The following NKIRAS1 variants were observed in gnomAD, a reference collection of about 807,000 sequenced individuals.
NKIRAS1 encodes the protein NFKB inhibitor interacting Ras like 1.
NKIRAS1 carries 16 observed loss-of-function variants against 19.8 expected under a neutral mutation model. That is an observed-to-expected ratio of 0.81 (90% CI 0.55 to 1.23). The LOEUF (loss-of-function observed/expected upper bound fraction) is 1.23, where lower values mean the gene tolerates loss of function less well. Among genes scored for constraint, NKIRAS1 ranks in the 50% most tolerant of loss-of-function variants. NKIRAS1 has a pLI of 0.00. For synonymous variants in NKIRAS1, 88 were observed against 79.0 expected (o/e 1.11, Z -0.61); for missense variants, 184 against 220.0 (o/e 0.84, Z 1.04).
At position 23,898,329 on chromosome 3, in the gene NKIRAS1, A is replaced by C. The variant is rs116614899; in HGVS notation, c.336+2479T>G. 7.5e-3 allele frequency among the ~76,000 whole-genome samples: 1,143 copies of C among 152,360 alleles called. 1 individual carries two copies. The highest frequency in any genetic ancestry group is 0.016 in the South Asian group (77 of 4,820). ...AAAAGAGTTTGGTACGTACCATGGA[A>C]TACTACTCACCAAGAAAAAGAAATG... On this transcript the variant is annotated intron_variant, in intron 4 of 4. Coordinates refer to ENST00000425478, the MANE Select transcript of NKIRAS1 (RefSeq NM_020345.4).
intron 3 of NKIRAS1, among the ~76,000 whole-genome samples, chr3:23,902,858 A>G (rs556697396): frequency 1.4e-3 from 209 of 152,346 alleles, no homozygotes; most frequent in Admixed American, 3.8e-3. Flanking sequence ...AGGGCAATTA[A>G]GTGACATGCC....
rs1559499859 is a variant in NKIRAS1, at chr3:23,893,081, G to GA, written c.*13dup. ...AATCACTATTCAACATACAATTGTG[G>GA]AAATTACTGATTTTTAGTTCTCAGA... On this transcript the variant is annotated 3_prime_UTR_variant, in exon 5 of 5. Coordinates refer to ENST00000425478, the MANE Select transcript of NKIRAS1 (RefSeq NM_020345.4). The GA allele has an allele frequency of 6.5e-6, 10 of 1,537,778 alleles. No homozygotes were observed. Among genetic ancestry groups the GA allele is most frequent in the Non-Finnish European group, 8.7e-6 (10 of 1,146,758 alleles).
intron 4 of NKIRAS1, among the ~76,000 whole-genome samples, chr3:23,899,789 T>C (rs535687849): frequency 1.1e-4 from 17 of 152,236 alleles, no homozygotes; most frequent in Non-Finnish European, 2.5e-4. Context: ...AAGTGGTATA[T>C]GGGTAGAATC....
intron 1 of NKIRAS1, among the ~76,000 whole-genome samples, chr3:23,939,473 T>C (rs1024922489): frequency 3.3e-5 from 5 of 152,216 alleles, no homozygotes; most frequent in African/African-American, 9.6e-5. Flanking sequence ...CCAGGAACGG[T>C]GGCTCATGAC....
At chr3:23,913,865 T>A (rs750667829) in intron 1 of NKIRAS1, among the ~76,000 whole-genome samples, 1 of 152,130 alleles carries the variant, frequency 6.6e-6, no homozygotes, top group Non-Finnish European at 1.5e-5. Context: ...AGTACATGGG[T>A]CACCTTTAGG....
intron 1 of NKIRAS1, chr3:23,945,668 G>C: frequency 1.0e-6 from 1 of 1,000,032 alleles, no homozygotes; most frequent in East Asian, 4.1e-5. Flanking sequence ...TTTGGGGGGC[G>C]GCGGCAGGGG....
intron 1 of NKIRAS1, chr3:23,946,049 G>T (rs969798533): frequency 2.2e-5 from 21 of 964,442 alleles, no homozygotes; most frequent in African/African-American, 3.5e-5. Context: ...GCGCGCGCTG[G>T]CTGGGAGCGC....
At chr3:23,894,579 C>T (rs1279880290) in intron 4 of NKIRAS1, among the ~76,000 whole-genome samples, 1 of 152,004 alleles carries the variant, frequency 6.6e-6, no homozygotes, top group Non-Finnish European at 1.5e-5. Context: ...GAAACTCGTT[C>T]ACTTTACCCC....
chr3:23,945,140 A>G (rs1415931448), intron 1 of NKIRAS1: 1 of 135,016 alleles, frequency 7.4e-6, no homozygotes, highest in Non-Finnish European at 1.6e-5. Context: ...AGAAGGGGGA[A>G]GCGCAGGAGA....
At chr3:23,919,139 G>A (rs1383001974), upstream of NKIRAS1, 5 of 1,199,102 alleles carry the variant, frequency 4.2e-6, no homozygotes, top group Non-Finnish European at 6.1e-6. Flanking sequence ...AATTCTTTCT[G>A]ACTTGCTGCT....
At chr3:23,912,491 AT>A (rs1255168401) in intron 1 of NKIRAS1, among the ~76,000 whole-genome samples, 46 of 152,346 alleles carry the variant, frequency 3.0e-4, no homozygotes, top group African/African-American at 1.0e-3. Context: ...CCACAATGAG[AT>A]ACCATCTCAC....
chr3:23,901,852 C>A (rs1381379420), intron 3 of NKIRAS1, among the ~76,000 whole-genome samples: 1 of 152,186 alleles, frequency 6.6e-6, no homozygotes, highest in East Asian at 1.9e-4. Context: ...GTGGGCAGAT[C>A]ACCTGAGGTC....
At chr3:23,938,209 C>CTT (rs11418287) in intron 1 of NKIRAS1, among the ~76,000 whole-genome samples, 15,871 of 137,524 alleles carry the variant, frequency 0.12, 1,838 homozygotes, top group African/African-American at 0.29. Context: ...AGTACAGTAC[C>CTT]TTTTTTTTTT....
At chr3:23,937,421 T>A (rs1015022022) in intron 1 of NKIRAS1, among the ~76,000 whole-genome samples, 2 of 152,176 alleles carry the variant, frequency 1.3e-5, no homozygotes, top group Non-Finnish European at 2.9e-5. Flanking sequence ...GAGATTGCAC[T>A]GCTGGGAGGA....
intron 1 of NKIRAS1, chr3:23,945,650 C>T (rs1705644582): frequency 8.4e-6 from 4 of 477,976 alleles, no homozygotes; most frequent in Non-Finnish European, 1.1e-5. Flanking sequence ...TCAGAGCCCG[C>T]GGGGCACTTT....
Position 23,890,663 on chromosome 3 carries a change from A to AT in NKIRAS1, c.*2431dup, listed in dbSNP as rs1049169358. ...CTGTCACAGAAGAGAGCTGCTTATG[A>AT]TTTTGAAGGGGTCAGGGAGGGTGGG... On this transcript the variant is annotated 3_prime_UTR_variant, in exon 5 of 5. Transcript: ENST00000425478. 29 of 1,361,342 alleles carry AT rather than the reference A, an allele frequency of 2.1e-5. No homozygotes were observed. The highest frequency in any genetic ancestry group is 2.5e-5 in the Non-Finnish European group (24 of 974,450). The allele number at this position is 1,361,342 out of a possible 1,614,324, so 84.3% of individuals were successfully genotyped here.
Position 23,900,901 on chromosome 3 carries a change from G to A in NKIRAS1, c.243C>T (p.Gly81=). The A allele has an allele frequency of 6.8e-6, 11 of 1,614,070 alleles. No homozygotes were observed. The highest frequency in any genetic ancestry group is 9.3e-6 in the Non-Finnish European group (11 of 1,179,964). ...TATTCACACTGTACACAAGAACGAA[G>A]CCATCAGCAAATGAAAAATAATGCT... The part of the protein sequence containing the change: ...LPKHYFSFAD[G]FVLVYSVNNL... Residue 81 remains glycine, a synonymous_variant, in exon 4 of 5, where the codon GGC becomes GGT. Transcript: ENST00000425478.
Position 23,892,557 on chromosome 3 carries a change from C to A in NKIRAS1, c.*538G>T, listed in dbSNP as rs1357583466. On this transcript the variant is annotated 3_prime_UTR_variant, in exon 5 of 5. Transcript: ENST00000425478. ...ATTTGAGCAAAGCTAAATCATGGGT[C>A]TTAGTCTGTTTAGCAAAATCTCCAC... is the stretch of plus-strand genomic sequence containing the variant. 1 of 152,192 alleles carries A rather than the reference C, an allele frequency of 6.6e-6. No individual in the cohort carries two copies. Among genetic ancestry groups the A allele is most frequent in the East Asian group, 1.9e-4 (1 of 5,202 alleles). The allele number at this position is 152,192 out of a possible 1,614,324, so 9.4% of individuals were successfully genotyped here.
intron 3 of NKIRAS1, among the ~76,000 whole-genome samples, chr3:23,908,812 T>A (rs1483605782): frequency 6.6e-6 from 1 of 151,992 alleles, no homozygotes; most frequent in African/African-American, 2.4e-5. Flanking sequence ...CACAGGCACA[T>A]GCCACCATGC....
Sources: gnomAD v4.1 joint callset for allele counts (sites outside exome capture counted in the v4.1 genomes callset) on GRCh38, gnomAD v4.1.1 for gene constraint, MANE v1.5 for transcripts, NCBI Gene and HGNC (gene_info 2026-07-23, HGNC 2026-07-21) for gene names.